Variants in PLIN2 observed in about 807,000 individuals in gnomAD.
The protein encoded by PLIN2 is perilipin 2.
PLIN2 carries 33 observed loss-of-function variants against 30.6 expected under a neutral mutation model. That is an observed-to-expected ratio of 1.08 (90% confidence interval 0.82 to 1.44). The LOEUF (loss-of-function observed/expected upper bound fraction) is 1.44, where lower values mean the gene tolerates loss of function less well. PLIN2 is among the 40% of genes most tolerant of loss of function. The pLI, the probability that PLIN2 is intolerant of heterozygous loss-of-function variation, is 0.00. For synonymous variants in PLIN2, 205 were observed against 201.1 expected, an observed-to-expected ratio of 1.02 and a Z score of -0.16; for missense variants, 610 against 531.8, an observed-to-expected ratio of 1.15 and a Z score of -1.45.
intron 2 of PLIN2, among the ~76,000 whole-genome samples, chr9:19,109,677 C>T (rs1223179030): frequency 6.6e-6 from 1 of 150,470 alleles, no homozygotes; most frequent in Non-Finnish European, 1.5e-5. Context: ...AACAAAAATC[C>T]CTCAAAAAGA....
At chr9:19,123,288 A>G (rs980150367) in intron 4 of PLIN2, 7 of 1,395,978 alleles carry the variant, frequency 5.0e-6, no homozygotes, top group Non-Finnish European at 5.9e-6. Context: ...CAGTTACTTG[A>G]GACAGCAATT....
chr9:19,120,451 A>G (rs1467085397), intron 5 of PLIN2, among the ~76,000 whole-genome samples: 1 of 152,188 alleles, frequency 6.6e-6, no homozygotes, highest in East Asian at 1.9e-4. Flanking sequence ...AAGACTATCC[A>G]TTTACAGAAA....
intron 2 of PLIN2, among the ~76,000 whole-genome samples, chr9:19,110,556 A>G (rs1312448090): frequency 5.3e-5 from 8 of 151,842 alleles, no homozygotes; most frequent in African/African-American, 1.9e-4. Flanking sequence ...GTTCACTACA[A>G]CCTCCACCTC....
downstream of PLIN2, among the ~76,000 whole-genome samples, chr9:19,114,699 TG>T (rs1229967447): frequency 2.6e-5 from 4 of 152,164 alleles, no homozygotes; most frequent in Non-Finnish European, 5.9e-5. Context: ...CCACAGCGCC[TG>T]GCCTATTTCA....
chr9:19,109,319 C>T (rs573121392), intron 2 of PLIN2, among the ~76,000 whole-genome samples: 3 of 149,340 alleles, frequency 2.0e-5, no homozygotes, highest in Admixed American at 6.7e-5. Flanking sequence ...CTTTGGGAGG[C>T]CGAGATGGGA....
chr9:19,120,585 C>G (rs866137828), intron 5 of PLIN2, among the ~76,000 whole-genome samples: 3 of 152,172 alleles, frequency 2.0e-5, no homozygotes, highest in African/African-American at 7.2e-5. Flanking sequence ...TTGCTCACAT[C>G]TGTAATCCCA....
chr9:19,125,599 T>C lies in PLIN2; in HGVS notation c.226+515A>G, dbSNP rs181351233. 6.3e-3 allele frequency: 956 copies of C among 152,918 alleles called. 4 individuals carry two copies. Among genetic ancestry groups the C allele is most frequent in the Non-Finnish European group, 8.7e-3 (600 of 68,606 alleles). 9.5% of individuals were successfully genotyped at this position (152,918 alleles called of 1,614,324 possible). Reference sequence around the variant, plus strand: ...CCGTGCCCATCCTCTGGGGGATTTTTAATTAAAGGATCATAAACATCTGCC... The same window carrying C: ...CCGTGCCCATCCTCTGGGGGATTTTCAATTAAAGGATCATAAACATCTGCC... On this transcript the variant is annotated intron_variant, in intron 3 of 7. Coordinates refer to ENST00000276914, the MANE Select transcript of PLIN2 (RefSeq NM_001122.4).
At chr9:19,115,360 C>T (rs34187939), downstream of PLIN2, among the ~76,000 whole-genome samples, 39,139 of 149,396 alleles carry the variant, frequency 0.26, 5,230 homozygotes, top group African/African-American at 0.29. Flanking sequence ...CAGGCCAGAG[C>T]GCAGTGGCGC....
chr9:19,111,089 G>A (rs1351363473), downstream of PLIN2, among the ~76,000 whole-genome samples: 2 of 149,992 alleles, frequency 1.3e-5, no homozygotes, highest in Non-Finnish European at 3.0e-5. Context: ...ACGGAGTCTC[G>A]CTCTGTCGCC....
In PLIN2 at chr9:19,126,402, G is replaced by A; in HGVS notation, c.25C>T (p.Gln9Ter). Residue 9 changes from glutamine to a stop codon, truncating the protein, a stop_gained, in exon 2 of 8, where the codon CAA becomes TAA. Coordinates refer to ENST00000276914, the MANE Select transcript of PLIN2 (RefSeq NM_001122.4). LOFTEE classifies it high-confidence loss of function. MASVAVDP[Q>*]PSVVTRVVNL... ...AGGCTACTCAAAATTCATACCGGTT[G>A]TGGATCAACTGCAACGGATGCCATT... 6.2e-7 allele frequency: 1 copy of A among 1,613,920 alleles called. No individual in the cohort carries two copies. The highest frequency in any genetic ancestry group is 8.5e-7 in the Non-Finnish European group (1 of 1,179,862).
chr9:19,112,268 T>G (rs1382662768), downstream of PLIN2, among the ~76,000 whole-genome samples: 3 of 152,208 alleles, frequency 2.0e-5, no homozygotes, highest in African/African-American at 7.2e-5. Flanking sequence ...CCAGGTTTCA[T>G]GCAGTCAAAT....
downstream of PLIN2, among the ~76,000 whole-genome samples, chr9:19,112,317 TAGTC>T (rs1237615856): frequency 1.3e-5 from 2 of 152,316 alleles, no homozygotes; most frequent in South Asian, 2.1e-4. Flanking sequence ...ATGTTAGCCT[TAGTC>T]AGTATTTTCC....
At chr9:19,111,084 G>A (rs1818153018), downstream of PLIN2, among the ~76,000 whole-genome samples, 1 of 151,010 alleles carries the variant, frequency 6.6e-6, no homozygotes, top group Non-Finnish European at 1.5e-5. Context: ...TTGAGACGGA[G>A]TCTCGCTCTG....
intron 7 of PLIN2, among the ~76,000 whole-genome samples, chr9:19,117,903 C>T (rs1053011043): frequency 6.6e-5 from 10 of 152,206 alleles, no homozygotes; most frequent in African/African-American, 2.4e-4. Context: ...AGGCGTGAGC[C>T]ATCGCGCCCA....
Position 19,116,627 on chromosome 9 carries a change from G to A in PLIN2, c.935C>T (p.Ala312Val), listed in dbSNP as rs770927693. Residue 312 changes from alanine to valine, a missense_variant, in exon 8 of 8, where the codon GCA becomes GTA. Transcript: ENST00000276914. ...CAEHIESRTL[A>V]IARNLTQQLQ... Reference sequence around the variant, plus strand: ...CTGCTGAGTCAGGTTGCGGGCAATTGCAAGAGTACGTGACTCAATGTGCTA... The same window carrying A: ...CTGCTGAGTCAGGTTGCGGGCAATTACAAGAGTACGTGACTCAATGTGCTA... The A allele has an allele frequency of 6.2e-7, 1 of 1,613,300 alleles. No homozygotes were observed. Among genetic ancestry groups the A allele is most frequent in the Non-Finnish European group, 8.5e-7 (1 of 1,179,358 alleles).
downstream of PLIN2, among the ~76,000 whole-genome samples, chr9:19,113,540 A>C (rs994675914): frequency 2.0e-5 from 3 of 151,236 alleles, no homozygotes; most frequent in African/African-American, 7.3e-5. Flanking sequence ...TGATTTCTGG[A>C]GTTACAATGA....
chr9:19,122,216 G>A (rs1298032601), intron 4 of PLIN2, among the ~76,000 whole-genome samples: 1 of 151,476 alleles, frequency 6.6e-6, no homozygotes, highest in Non-Finnish European at 1.5e-5. Context: ...AGCAATGTAA[G>A]TGAAAAATTT....
chr9:19,121,489 C>CAAAAAAA, intron 4 of PLIN2, among the ~76,000 whole-genome samples: 1 of 45,242 alleles, frequency 2.2e-5, no homozygotes, highest in South Asian at 6.9e-4. Context: ...GACCCTGTCT[C>CAAAAAAA]AAAAAAAAAA....
chr9:19,113,069 G>A (rs555268371), downstream of PLIN2, among the ~76,000 whole-genome samples: 198 of 152,024 alleles, frequency 1.3e-3, 1 homozygote, highest in African/African-American at 4.4e-3. Flanking sequence ...GTGGCCAGGC[G>A]TGGTGGCTCA....
Sources: gnomAD v4.1 joint callset for allele counts (sites outside exome capture counted in the v4.1 genomes callset) on GRCh38, gnomAD v4.1.1 for gene constraint, MANE v1.5 for transcripts, NCBI Gene and HGNC (gene_info 2026-07-23, HGNC 2026-07-21) for gene names.